The following MUSK variants were observed in gnomAD, a reference collection of about 807,000 sequenced individuals.
MUSK encodes the protein muscle associated receptor tyrosine kinase, also known as muscle, skeletal receptor tyrosine-protein kinase.
MUSK carries 55 observed loss-of-function variants against 88.7 expected under a neutral mutation model. The ratio of observed to expected loss-of-function variants is 0.62; its 90% confidence interval spans 0.50 to 0.78. The LOEUF (loss-of-function observed/expected upper bound fraction) is 0.78, where lower values mean the gene tolerates loss of function less well. Among genes scored for constraint, MUSK ranks in the 30% least tolerant of loss-of-function variants. MUSK has a pLI of 0.00. For missense variants in MUSK, 1,015 were observed against 1,074.3 expected, an observed-to-expected ratio of 0.94 and a Z score of 0.77; for synonymous variants, 387 against 391.9, an observed-to-expected ratio of 0.99 and a Z score of 0.15.
rs142255791 is a variant in MUSK at position 110,695,013 on chromosome 9, TA to T, written c.359-389del. On this transcript the variant is annotated intron_variant, in intron 3 of 14. Transcript: ENST00000374448. ...ATTTCTAACTAGGTAAGAATATAGT[TA>T]TATCAAAATTTTCTTTTCAAATGTT... Among the ~76,000 whole-genome samples the T allele has an allele frequency of 7.1e-3, 1,076 of 152,272 alleles. 32 individuals are homozygous for T. The East Asian group carries it at 0.072, about 10-fold the overall frequency.
intron 9 of MUSK, among the ~76,000 whole-genome samples, chr9:110,770,365 AAT>A (rs2077553147): frequency 1.4e-5 from 2 of 146,506 alleles, no homozygotes; most frequent in African/African-American, 4.9e-5. Context: ...AATAATACTT[AAT>A]ATGATATAAC....
intron 3 of MUSK, among the ~76,000 whole-genome samples, chr9:110,691,064 C>G (rs1302826021): frequency 6.6e-6 from 1 of 151,432 alleles, no homozygotes; most frequent in Non-Finnish European, 1.5e-5. Context: ...AGAGTTTCGC[C>G]AAGTTGGCCA....
chr9:110,723,453 G>C (rs4272458), intron 5 of MUSK, among the ~76,000 whole-genome samples: 5 of 150,976 alleles, frequency 3.3e-5, no homozygotes, highest in African/African-American at 1.2e-4. Context: ...CGACACATTA[G>C]ACTTTGGGGA....
intron 8 of MUSK, among the ~76,000 whole-genome samples, chr9:110,764,631 ATAGATAGG>A (rs1385382493): frequency 1.4e-4 from 20 of 139,060 alleles, no homozygotes; most frequent in East Asian, 2.4e-4. Flanking sequence ...AGATAGATAG[ATAGATAGG>A]TAGGTAGATC....
At chr9:110,755,950 AC>A (rs1440215016) in intron 7 of MUSK, among the ~76,000 whole-genome samples, 111 of 43,966 alleles carry the variant, frequency 2.5e-3, no homozygotes, top group East Asian at 0.022. Flanking sequence ...ATATATATAT[AC>A]ACATATATAT....
chr9:110,676,170 T>TA (rs1324891594), intron 1 of MUSK, among the ~76,000 whole-genome samples: 16 of 151,776 alleles, frequency 1.1e-4, no homozygotes, highest in Non-Finnish European at 1.9e-4. Flanking sequence ...ATTCATTTTT[T>TA]TAAAAAATCC....
chr9:110,776,551 T>G, intron 10 of MUSK, 81 bp from the exon 11 acceptor site: 1 of 1,139,600 alleles, frequency 8.8e-7, no homozygotes, highest in Non-Finnish European at 1.3e-6. Flanking sequence ...GAACTTGCAT[T>G]TCTTAGCACT....
chr9:110,711,938 T>A (rs1374705918), intron 5 of MUSK, among the ~76,000 whole-genome samples: 1 of 152,176 alleles, frequency 6.6e-6, no homozygotes, highest in African/African-American at 2.4e-5. Context: ...TGTAGATAAC[T>A]GGCAGCAATG....
chr9:110,763,538 C>T (rs989859963), intron 8 of MUSK, among the ~76,000 whole-genome samples: 4 of 152,178 alleles, frequency 2.6e-5, no homozygotes, highest in East Asian at 1.9e-4. Context: ...AGACACTAGA[C>T]GCGAAAGAAT....
intron 2 of MUSK, among the ~76,000 whole-genome samples, chr9:110,683,329 A>T (rs1488913860): frequency 6.6e-6 from 1 of 152,132 alleles, no homozygotes; most frequent in Admixed American, 6.6e-5. Flanking sequence ...TTTATGGCTG[A>T]ATAGTACTCC....
At chr9:110,715,090 CGT>C (rs1564240408) in intron 5 of MUSK, among the ~76,000 whole-genome samples, 1 of 149,338 alleles carries the variant, frequency 6.7e-6, no homozygotes, top group Non-Finnish European at 1.5e-5. Flanking sequence ...AGCAGATTGA[CGT>C]TACAAAATAA....
chr9:110,801,579 AG>A lies in MUSK; in HGVS notation c.*594del, dbSNP rs1456759997. 3 of 152,182 alleles carry A rather than the reference AG, an allele frequency of 2.0e-5. No homozygotes were observed. The highest frequency in any genetic ancestry group is 7.2e-5 in the African/African-American group (3 of 41,448). 9.4% of individuals were successfully genotyped at this position (152,182 alleles called of 1,614,324 possible). A position where few individuals can be genotyped will look rare whatever the true frequency, so the allele number is the denominator to read the frequency against. On this transcript the variant is annotated 3_prime_UTR_variant, in exon 15 of 15. Coordinates refer to ENST00000374448, the MANE Select transcript of MUSK (RefSeq NM_005592.4). Reference sequence around the variant, plus strand: ...AGTTGTGGTTACATTTTATTGATAGAGGGTTTCTAAGGAATGAAACAGCAAA... The same window carrying A: ...AGTTGTGGTTACATTTTATTGATAGAGGTTTCTAAGGAATGAAACAGCAAA...
intron 2 of MUSK, among the ~76,000 whole-genome samples, chr9:110,683,371 A>G (rs1005902039): frequency 2.0e-5 from 3 of 152,092 alleles, no homozygotes; most frequent in African/African-American, 7.2e-5. Context: ...TTCTTTATCC[A>G]TTCATCTGTT....
chr9:110,674,399 C>T (rs1003660962), intron 1 of MUSK, among the ~76,000 whole-genome samples: 17 of 152,122 alleles, frequency 1.1e-4, no homozygotes, highest in African/African-American at 3.4e-4. Flanking sequence ...TAACAATCAC[C>T]TCTCAAAATT....
chr9:110,748,608 G>A (rs181541082), intron 7 of MUSK, among the ~76,000 whole-genome samples: 23 of 152,140 alleles, frequency 1.5e-4, no homozygotes, highest in Admixed American at 3.3e-4. Flanking sequence ...GATTCATAGC[G>A]TGCCTAGGGC....
chr9:110,685,877 G>A (rs773545304), intron 2 of MUSK, among the ~76,000 whole-genome samples: 4 of 151,786 alleles, frequency 2.6e-5, no homozygotes, highest in Non-Finnish European at 2.9e-5. Context: ...AATTTTTTTC[G>A]GTTCTAACTA....
intron 14 of MUSK, among the ~76,000 whole-genome samples, chr9:110,789,279 G>C (rs58279351): frequency 0.029 from 4,365 of 152,316 alleles, 224 homozygotes; most frequent in African/African-American, 0.1. Context: ...ATCGTGAGAA[G>C]TGATTCTCTT....
At chr9:110,774,949 T>C (rs1426938784) in intron 9 of MUSK, among the ~76,000 whole-genome samples, 1 of 152,112 alleles carries the variant, frequency 6.6e-6, no homozygotes, top group East Asian at 1.9e-4. Context: ...ACATCTGCTA[T>C]TATTATGTTT....
intron 2 of MUSK, 139 bp downstream of exon 2, chr9:110,682,939 TATCC>T: frequency 1.9e-6 from 1 of 526,598 alleles, no homozygotes; most frequent in Non-Finnish European, 3.2e-6. Flanking sequence ...GAGAATGGGG[TATCC>T]ATCCCCTCAA....
Sources: allele counts gnomAD v4.1 joint callset (sites outside exome capture counted in the v4.1 genomes callset), GRCh38; gene constraint gnomAD v4.1.1; transcripts MANE v1.5; gene names NCBI Gene and HGNC (gene_info 2026-07-23, HGNC 2026-07-21).